The following ANO1 variants were observed in gnomAD, a reference collection of about 807,000 sequenced individuals.
ANO1 encodes the protein anoctamin 1.
A neutral mutation model predicts 124.0 loss-of-function variants in ANO1; 59 were observed. The observed-to-expected ratio is 0.48, with a 90% CI of 0.39 to 0.59. The LOEUF is 0.59. Among genes scored for constraint, ANO1 ranks in the 20% least tolerant of loss-of-function variants. ANO1 has a pLI of 0.00. For missense variants in ANO1, 1,059 were observed against 1,328.0 expected, an observed-to-expected ratio of 0.80 and a Z score of 3.15; for synonymous variants, 529 against 532.0, an observed-to-expected ratio of 0.99 and a Z score of 0.08.
intron 22 of ANO1, among the ~76,000 whole-genome samples, chr11:70,178,730 ATT>A (rs974905043): frequency 6.6e-6 from 1 of 152,140 alleles, no homozygotes; most frequent in African/African-American, 2.4e-5. Context: ...CGCCTGGCTA[ATT>A]TTTGTATTTT....
In ANO1 at chr11:70,036,020, C is replaced by T. The variant is rs557501816; in HGVS notation, c.59-42522C>T. Among the ~76,000 whole-genome samples, 64 of 152,264 alleles carry T rather than the reference C, an allele frequency of 4.2e-4. 1 individual carries two copies. Among genetic ancestry groups the T allele is most frequent in the Admixed American group, 3.8e-3 (58 of 15,292 alleles). On this transcript the variant is annotated intron_variant, in intron 1 of 27. Transcript: ENST00000531349. ...GTGTCTTTATAGCAGAATTATTTAT[C>T]ATCCTTTGGGTATATACCCAGCTGT...
chr11:70,092,254 C>T (rs890447646), intron 2 of ANO1, among the ~76,000 whole-genome samples: 1 of 148,860 alleles, frequency 6.7e-6, no homozygotes, highest in Non-Finnish European at 1.5e-5. Flanking sequence ...TATCTTAACT[C>T]GGTTACATCT....
intron 1 of ANO1, among the ~76,000 whole-genome samples, chr11:70,022,133 G>A (rs1349382644): frequency 6.6e-6 from 1 of 152,152 alleles, no homozygotes; most frequent in Non-Finnish European, 1.5e-5. Context: ...ACAGGCCCAT[G>A]GAAGGCCCAA....
intron 1 of ANO1, among the ~76,000 whole-genome samples, chr11:70,009,875 T>C (rs1856559183): frequency 6.6e-6 from 1 of 152,110 alleles, no homozygotes; most frequent in African/African-American, 2.4e-5. Context: ...AGCCATCACC[T>C]GAGCAGTGTA....
Position 70,161,294 on chromosome 11 carries a change from T to G in ANO1, c.1712T>G (p.Ile571Ser). ...RVTVTATAVIINLVVIILLDE... is the reference protein window; with the variant it reads ...RVTVTATAVISNLVVIILLDE... ...ACAGTCACAGCCACCGCAGTCATCA[T>G]CAACCTAGTGGTCATCATCCTCCTG... The change falls in exon 17 of 26, where the codon ATC (isoleucine) becomes AGC (serine). Residue 571 changes from isoleucine (I) to serine (S), a missense_variant. Physicochemically the swap from Ile to Ser is moderately radical, Grantham distance 142 (BLOSUM62 -2). Around this residue, in one of 2 missense-constraint regions of ANO1, gnomAD observed 809 missense variants for 1,094.9 expected, o/e 0.74. Transcript: ENST00000355303. The G allele has an allele frequency of 6.2e-7, 1 of 1,613,886 alleles. No individual in the cohort carries two copies. The highest frequency in any genetic ancestry group is 1.1e-5 in the South Asian group (1 of 91,074).
intron 1 of ANO1, among the ~76,000 whole-genome samples, chr11:70,059,950 C>CT (rs36021561): frequency 0.014 from 1,067 of 75,506 alleles, 4 homozygotes; most frequent in East Asian, 0.027. Flanking sequence ...AGGCGTTGGC[C>CT]TTTTTTTTTT....
chr11:69,975,171 C>T, the ANO1 span, among the ~76,000 whole-genome samples: 4,142 of 152,252 alleles, frequency 0.027, 230 homozygotes, highest in East Asian at 0.22. Context: ...CAGGTGCACC[C>T]GACAGGCCAA....
intron 1 of ANO1, among the ~76,000 whole-genome samples, chr11:70,039,900 C>A (rs1857155926): frequency 6.6e-6 from 1 of 152,156 alleles, no homozygotes; most frequent in Non-Finnish European, 1.5e-5. Context: ...ATTCATAAAT[C>A]CCCCCTTAAC....
chr11:69,979,754 C>G, the ANO1 span, among the ~76,000 whole-genome samples: 1 of 152,140 alleles, frequency 6.6e-6, no homozygotes, highest in Non-Finnish European at 1.5e-5. Context: ...GCAAAGGGAG[C>G]CAACGTGAAG....
intron 1 of ANO1, among the ~76,000 whole-genome samples, chr11:70,031,883 G>A (rs1009625726): frequency 6.6e-6 from 1 of 152,182 alleles, no homozygotes; most frequent in African/African-American, 2.4e-5. Context: ...CTTCCTGCCT[G>A]CAGAAGCACC....
chr11:70,047,223 C>T (rs1212397010), intron 1 of ANO1, among the ~76,000 whole-genome samples: 3 of 151,984 alleles, frequency 2.0e-5, no homozygotes, highest in Non-Finnish European at 4.4e-5. Flanking sequence ...AGGATTGGTT[C>T]ATTAATTGTA....
intron 3 of ANO1, among the ~76,000 whole-genome samples, chr11:70,103,708 C>A (rs1452547365): frequency 6.6e-6 from 1 of 152,154 alleles, no homozygotes; most frequent in Non-Finnish European, 1.5e-5. Context: ...CCTCCTGCTT[C>A]TCGCGTCCTC....
At chr11:69,989,277 T>C (rs529182776) in intron 1 of ANO1, among the ~76,000 whole-genome samples, 1 of 152,310 alleles carries the variant, frequency 6.6e-6, no homozygotes, top group East Asian at 1.9e-4. Context: ...TATCTTACCA[T>C]TCAGGGAGGA....
chr11:70,069,375 A>G (rs1326500015), intron 1 of ANO1, among the ~76,000 whole-genome samples: 4 of 152,226 alleles, frequency 2.6e-5, no homozygotes, highest in Non-Finnish European at 5.9e-5. Context: ...AGCACGTCTC[A>G]AGGTGCTTGA....
intron 1 of ANO1, among the ~76,000 whole-genome samples, chr11:70,063,388 A>G (rs1857641864): frequency 6.6e-6 from 1 of 152,170 alleles, no homozygotes; most frequent in South Asian, 2.1e-4. Context: ...TGGTCTGGAG[A>G]CCAGTGACCC....
At chr11:70,167,752 A>G (rs892082149) in intron 21 of ANO1, among the ~76,000 whole-genome samples, 1 of 152,020 alleles carries the variant, frequency 6.6e-6, no homozygotes, top group Non-Finnish European at 1.5e-5. Flanking sequence ...AGCCCGACAC[A>G]GCCTGGGTTG....
rs1262806071 is a variant in ANO1, at chr11:70,104,114, G to T, written c.656G>T (p.Arg219Ile). 6.2e-7 allele frequency: 1 copy of T among 1,613,024 alleles called. No homozygotes were observed. The highest frequency in any genetic ancestry group is 8.5e-7 in the Non-Finnish European group (1 of 1,179,692). Residue 219 changes from arginine to isoleucine, a missense_variant, in exon 4 of 26, where the codon AGA becomes ATA. Physicochemically the swap from Arg to Ile is moderately conservative, Grantham distance 97. This residue lies in a region of ANO1 where 809 missense variants were observed against 1,094.9 expected (regional missense o/e 0.74). Coordinates refer to ENST00000355303, the MANE Select transcript of ANO1 (RefSeq NM_018043.7). ...VAEHRPQTMK[R>I]LSYPFSREKQ... Reference sequence around the variant, plus strand: ...GAGCACAGGCCCCAGACCATGAAGAGACTCTCCTATCCCTTCTCCCGGGAG... The same window carrying T: ...GAGCACAGGCCCCAGACCATGAAGATACTCTCCTATCCCTTCTCCCGGGAG...
At chr11:70,008,241 C>T (rs187062310) in intron 1 of ANO1, among the ~76,000 whole-genome samples, 1 of 152,210 alleles carries the variant, frequency 6.6e-6, no homozygotes, top group African/African-American at 2.4e-5. Flanking sequence ...CTTTGCTGTG[C>T]AGAAGTTTTT....
intron 8 of ANO1, among the ~76,000 whole-genome samples, chr11:70,121,326 C>T (rs1455313670): frequency 6.6e-6 from 1 of 151,548 alleles, no homozygotes; most frequent in Admixed American, 6.6e-5. Context: ...GTCTCTGCCT[C>T]TCTCCCTGTC....
Sources: gnomAD v4.1 joint callset for allele counts (sites outside exome capture counted in the v4.1 genomes callset) on GRCh38, gnomAD v4.1.1 for gene constraint, gnomAD v4.1.1 regional missense constraint, MANE v1.5 for transcripts, NCBI Gene and HGNC (gene_info 2026-07-23, HGNC 2026-07-21) for gene names.